Variants in ZBTB7C observed in about 807,000 individuals in gnomAD.
The protein encoded by ZBTB7C is zinc finger and BTB domain-containing protein 7C.
Under a neutral mutation model 25.7 loss-of-function variants are expected in ZBTB7C, and 8 were observed. That is an observed-to-expected ratio of 0.31 (90% CI 0.18 to 0.56). ZBTB7C has a LOEUF of 0.56. Among genes scored for constraint, ZBTB7C ranks in the 20% least tolerant of loss-of-function variants. ZBTB7C has a pLI of 0.91. For missense variants in ZBTB7C, 824 were observed against 855.2 expected (o/e 0.96, Z 0.46); for synonymous variants, 394 against 369.0 (o/e 1.07, Z -0.78).
At chr18:48,043,521 T>C (rs2036344223) in intron 3 of ZBTB7C, among the ~76,000 whole-genome samples, 1 of 152,196 alleles carries the variant, frequency 6.6e-6, no homozygotes, top group South Asian at 2.1e-4. Flanking sequence ...TTATATAACA[T>C]TCTTGAGATG....
chr18:48,263,873 A>G (rs966352213), intron 2 of ZBTB7C, among the ~76,000 whole-genome samples: 2 of 152,206 alleles, frequency 1.3e-5, no homozygotes, highest in African/African-American at 4.8e-5. Flanking sequence ...ATACCATTTT[A>G]TAGTTATAAA....
intron 2 of ZBTB7C, among the ~76,000 whole-genome samples, chr18:48,332,673 CTTTTTT>C (rs58216606): frequency 2.7e-4 from 23 of 85,716 alleles, no homozygotes; most frequent in African/African-American, 9.8e-4. Flanking sequence ...CTCTCCTTTG[CTTTTTT>C]TTTTTTTTTT....
intron 2 of ZBTB7C, among the ~76,000 whole-genome samples, chr18:48,213,328 G>A (rs2042745959): frequency 6.6e-6 from 1 of 152,182 alleles, no homozygotes; most frequent in African/African-American, 2.4e-5. Flanking sequence ...GGAAATTAAT[G>A]TGCCCATGAT....
At chr18:48,087,397 A>G (rs1255687837) in intron 3 of ZBTB7C, among the ~76,000 whole-genome samples, 1 of 152,212 alleles carries the variant, frequency 6.6e-6, no homozygotes, top group African/African-American at 2.4e-5. Context: ...TGCATTCCCA[A>G]TAAGCTATGT....
chr18:48,042,295 GAAC>G (rs1014085811), intron 3 of ZBTB7C, among the ~76,000 whole-genome samples: 3 of 151,748 alleles, frequency 2.0e-5, no homozygotes, highest in South Asian at 2.1e-4. Context: ...CAACAAATCA[GAAC>G]AACAACAACA....
intron 3 of ZBTB7C, among the ~76,000 whole-genome samples, chr18:48,151,491 C>T (rs988076218): frequency 2.0e-5 from 3 of 152,166 alleles, no homozygotes; most frequent in Non-Finnish European, 2.9e-5. Flanking sequence ...GAGTCCGTCT[C>T]ACCACAGCGC....
At chr18:48,114,461 C>T (rs1347998279) in intron 3 of ZBTB7C, among the ~76,000 whole-genome samples, 4 of 152,040 alleles carry the variant, frequency 2.6e-5, no homozygotes, top group Admixed American at 2.6e-4. Flanking sequence ...ATTAGCTGGA[C>T]ACAGTGGTGG....
intron 1 of ZBTB7C, among the ~76,000 whole-genome samples, chr18:48,405,977 T>A (rs978689893): frequency 6.6e-6 from 1 of 152,026 alleles, no homozygotes; most frequent in African/African-American, 2.4e-5. Flanking sequence ...CAGTACCCTC[T>A]GTGTGGTTCA....
rs71165309 is a variant in ZBTB7C, at chr18:48,032,422, G to GTTTTT, written c.1209-2516_1209-2512dup. Among the ~76,000 whole-genome samples, 584 of 65,078 alleles carry GTTTTT rather than the reference G, an allele frequency of 9.0e-3. 66 individuals are homozygous for GTTTTT. Among genetic ancestry groups the GTTTTT allele is most frequent in the African/African-American group, 0.034 (542 of 15,752 alleles). The allele number at this position is 65,078 out of a possible 152,430, so 42.7% of individuals were successfully genotyped here. A position where few individuals can be genotyped will look rare whatever the true frequency, so the allele number is the denominator to read the frequency against. ...GAGCCACTGTGCCCGGACAAGGTAG[G>GTTTTT]TTTTTTTTTTTTTTTTTTTTTTTTT... On this transcript the variant is annotated intron_variant, in intron 4 of 4. Transcript: ENST00000590800.
chr18:48,063,901 T>C (rs2037219899), intron 3 of ZBTB7C, among the ~76,000 whole-genome samples: 1 of 151,588 alleles, frequency 6.6e-6, no homozygotes, highest in Non-Finnish European at 1.5e-5. Flanking sequence ...TAATTATATA[T>C]AATTTATAAT....
At position 48,041,112 on chromosome 18, in the gene ZBTB7C, TCAGC is replaced by T. The variant is rs761483630; in HGVS notation, c.-9_-6del. ...CTCATCAATGTCATTGGCCATGTTC[TCAGC>T]CAGAGCCCTGCAGAGACACACAGAG... On this transcript the variant is annotated 5_prime_UTR_variant, in exon 4 of 5. The change abolishes the stop of an existing upstream ORF in the 5' untranslated region. Transcript: ENST00000590800. 1.3e-6 allele frequency: 2 copies of T among 1,590,090 alleles called. No individual in the cohort carries two copies. Among genetic ancestry groups the T allele is most frequent in the Non-Finnish European group, 1.7e-6 (2 of 1,165,508 alleles).
chr18:48,221,186 T>A (rs2042944818), intron 2 of ZBTB7C, among the ~76,000 whole-genome samples: 1 of 151,282 alleles, frequency 6.6e-6, no homozygotes, highest in Non-Finnish European at 1.5e-5. Flanking sequence ...CCTTGTCTCC[T>A]CTATACTGTC....
At chr18:48,093,290 G>T (rs1043431230) in intron 3 of ZBTB7C, among the ~76,000 whole-genome samples, 1 of 152,114 alleles carries the variant, frequency 6.6e-6, no homozygotes, top group African/African-American at 2.4e-5. Context: ...CCTCAAGCTC[G>T]CTCTAGCCCT....
At chr18:48,181,012 G>T (rs554308429) in intron 3 of ZBTB7C, among the ~76,000 whole-genome samples, 1 of 152,308 alleles carries the variant, frequency 6.6e-6, no homozygotes, top group African/African-American at 2.4e-5. Flanking sequence ...CTTTTCACTT[G>T]TAAAAAGCAG....
intron 3 of ZBTB7C, among the ~76,000 whole-genome samples, chr18:48,042,806 T>C (rs1357124671): frequency 6.6e-6 from 1 of 152,168 alleles, no homozygotes; most frequent in Non-Finnish European, 1.5e-5. Context: ...CTAAATATTA[T>C]TGGGTAGTCT....
Position 48,375,233 on chromosome 18 carries a change from G to A in ZBTB7C, c.-304+33993C>T, listed in dbSNP as rs183795729. 2.6e-5 allele frequency among the ~76,000 whole-genome samples: 4 copies of A among 152,338 alleles called. No individual in the cohort carries two copies. The East Asian group carries it at 7.7e-4, about 29-fold the overall frequency. On this transcript the variant is annotated intron_variant, in intron 1 of 4. Transcript: ENST00000590800. ...AGCTACTTCCCAACCCAGATGTGGG[G>A]GAAACCCACCCGCAGTCTCTCCCCG...
At chr18:48,091,238 ATTTTTTTTTTTTTTTTT>A (rs35051690) in intron 3 of ZBTB7C, among the ~76,000 whole-genome samples, 1 of 64,674 alleles carries the variant, frequency 1.5e-5, no homozygotes, top group Non-Finnish European at 2.7e-5. Flanking sequence ...TGCCCGGATA[ATTTTTTTTTTTTTTTTT>A]TTTTTTTTGG....
intron 3 of ZBTB7C, among the ~76,000 whole-genome samples, chr18:48,141,150 C>CG (rs1273665691): frequency 7.6e-5 from 11 of 144,818 alleles, no homozygotes; most frequent in Non-Finnish European, 1.5e-4. Context: ...CGCACCACCC[C>CG]CCCCACTGTT....
chr18:48,285,123 C>T (rs2045003732), intron 2 of ZBTB7C, among the ~76,000 whole-genome samples: 1 of 152,140 alleles, frequency 6.6e-6, no homozygotes, highest in Non-Finnish European at 1.5e-5. Flanking sequence ...TTGCAGGGTG[C>T]AGGGTAATAT....
Sources: gnomAD v4.1 joint callset for allele counts (sites outside exome capture counted in the v4.1 genomes callset) on GRCh38, gnomAD v4.1.1 for gene constraint, MANE v1.5 for transcripts, NCBI Gene and HGNC (gene_info 2026-07-23, HGNC 2026-07-21) for gene names.